The following MUC5AC variants were observed in gnomAD, a reference collection of about 807,000 sequenced individuals.
MUC5AC encodes the protein mucin 5AC, oligomeric mucus/gel-forming, also known as mucin-5AC.
A neutral mutation model predicts 169.7 loss-of-function variants in MUC5AC; 158 were observed. That is an observed-to-expected ratio of 0.93 (90% CI 0.82 to 1.06). The LOEUF (loss-of-function observed/expected upper bound fraction) is 1.06, where lower values mean the gene tolerates loss of function less well. Among genes scored for constraint, MUC5AC ranks in the 50% least tolerant of loss-of-function variants. The pLI, the probability that MUC5AC is intolerant of heterozygous loss-of-function variation, is 0.00. For missense variants in MUC5AC, 4,359 were observed against 3,089.9 expected (o/e 1.41, Z -9.74); for synonymous variants, 1,975 against 1,237.0 (o/e 1.60, Z -12.52).
intron 16 of MUC5AC, among the ~76,000 whole-genome samples, chr11:1,173,633 C>CACTT (rs1396739712): frequency 0.014 from 1,647 of 116,456 alleles, no homozygotes; most frequent in Non-Finnish European, 0.017. Context: ...CTCATCCACT[C>CACTT]ACTCATCCAC....
rs1861077376 is a variant in MUC5AC at position 1,190,963 on chromosome 11, C to T, written c.12818C>T (p.Thr4273Ile). 1 of 741,714 alleles carries T rather than the reference C, an allele frequency of 1.3e-6. No individual in the cohort carries two copies. Among genetic ancestry groups the T allele is most frequent in the Non-Finnish European group, 2.5e-6 (1 of 407,332 alleles). The allele number at this position is 741,714 out of a possible 1,614,324, so 45.9% of individuals were successfully genotyped here. ...TSTTSAATTS[T>I]TSAPTTRTTS... ...ACAACCTCTGCTGCTACAACCAGCA[C>T]AACCTCTGCTCCTACAACCAGAACA... Residue 4273 changes from threonine to isoleucine, a missense_variant, in exon 31 of 49, where the codon ACA becomes ATA. Physicochemically the swap from Thr to Ile is moderately conservative, Grantham distance 89. Transcript: ENST00000621226.
chr11:1,200,422 C>A lies in MUC5AC; in HGVS notation c.16701-16C>A, dbSNP rs750881610. 1.5e-6 allele frequency: 1 copy of A among 677,102 alleles called. No homozygotes were observed. 41.9% of individuals were successfully genotyped at this position (677,102 alleles called of 1,614,324 possible). The stretch of plus-strand genomic sequence containing the variant: ...GGGTGGCGCAGCAGCTGGTGCTGAG[C>A]AGCCCCTGCCCACAGGTACTCGCTC... On this transcript the variant is annotated splice_polypyrimidine_tract_variant and intron_variant, in intron 48 of 48. Transcript: ENST00000621226.
chr11:1,173,016 GC>G (rs1392311162), intron 16 of MUC5AC, among the ~76,000 whole-genome samples: 2 of 95,622 alleles, frequency 2.1e-5, no homozygotes, highest in Non-Finnish European at 2.2e-5. Flanking sequence ...TCACCCATTC[GC>G]CCCCCCACTC....
In MUC5AC at chr11:1,162,513, G is replaced by A; in HGVS notation, c.474-19G>A. ...TCCTCACTGCGCTCCCAGCCCCTCA[G>A]CCCTGCCTTCCTCCACAGGGTCCTG... On this transcript the variant is annotated intron_variant, in intron 4 of 48. Coordinates refer to ENST00000621226, the MANE Select transcript of MUC5AC (RefSeq NM_001304359.2). The A allele has an allele frequency of 6.2e-7, 1 of 1,608,488 alleles. No homozygotes were observed. Among genetic ancestry groups the A allele is most frequent in the Non-Finnish European group, 8.5e-7 (1 of 1,176,600 alleles).
At chr11:1,170,436 T>C (rs1281889840) in intron 15 of MUC5AC, among the ~76,000 whole-genome samples, 542 of 34,952 alleles carry the variant, frequency 0.016, no homozygotes, top group Non-Finnish European at 0.017. Context: ...CATTCACCCA[T>C]TCACCCACTC....
chr11:1,161,463 T>C, intron 2 of MUC5AC, 64 bp from the exon 3 acceptor site: 2 of 1,368,396 alleles, frequency 1.5e-6, no homozygotes. Context: ...ACGTCTCCTC[T>C]GGCTGCGGAG....
In MUC5AC at chr11:1,189,946, G is replaced by A; in HGVS notation, c.11801G>A (p.Ser3934Asn). 2 of 765,126 alleles carry A rather than the reference G, an allele frequency of 2.6e-6. No individual in the cohort carries two copies. The highest frequency in any genetic ancestry group is 2.3e-4 in the Middle Eastern group (1 of 4,440). 47.4% of individuals were successfully genotyped at this position (765,126 alleles called of 1,614,324 possible). A position where few individuals can be genotyped will look rare whatever the true frequency, so the allele number is the denominator to read the frequency against. The change falls in exon 31 of 49, where the codon AGC becomes AAC. Residue 3934 changes from serine (S) to asparagine (N), a missense_variant. Coordinates refer to ENST00000621226, the MANE Select transcript of MUC5AC (RefSeq NM_001304359.2). ...AGCACAGCCTCTGTTTCAAAGACCA[G>A]CACAAGCCATGTTTCTGTATCCAAG... ...TTSTASVSKT[S>N]TSHVSVSKTT...
chr11:1,191,424 C>T lies in MUC5AC; in HGVS notation c.13279C>T (p.Pro4427Ser), dbSNP rs1158446987. Reference protein sequence around the residue: ...TTSAPTTRTTPASTASTTSGP... With the variant: ...TTSAPTTRTTSASTASTTSGP... ...CTCTGCTCCTACAACCAGAACAACC[C>T]CTGCCTCTACAGCCAGCACAACCTC... The change falls in exon 31 of 49, where the codon CCT becomes TCT. Residue 4427 changes from proline (P) to serine (S), a missense_variant. Coordinates refer to ENST00000621226, the MANE Select transcript of MUC5AC (RefSeq NM_001304359.2). The T allele has an allele frequency of 0.14, 76,258 of 543,182 alleles. 7,445 individuals carry two copies. Among genetic ancestry groups the T allele is most frequent in the Non-Finnish European group, 0.19 (54,153 of 291,416 alleles). The allele number at this position is 543,182 out of a possible 1,614,324, so 33.6% of individuals were successfully genotyped here. A position where few individuals can be genotyped will look rare whatever the true frequency, so the allele number is the denominator to read the frequency against.
rs1385779618 is a variant in MUC5AC, at chr11:1,185,260, C to A, written c.7115C>A (p.Thr2372Lys). 2.8e-6 allele frequency: 2 copies of A among 702,074 alleles called. No homozygotes were observed. Among genetic ancestry groups the A allele is most frequent in the East Asian group, 2.7e-5 (1 of 37,002 alleles). The allele number at this position is 702,074 out of a possible 1,614,324, so 43.5% of individuals were successfully genotyped here. The change falls in exon 31 of 49, where the codon ACA (threonine) becomes AAA (lysine). Residue 2372 changes from threonine to lysine, a missense_variant. Coordinates refer to ENST00000621226, the MANE Select transcript of MUC5AC (RefSeq NM_001304359.2). ...TSTTSAPTTS[T>K]TSARTSSTTS... ...ACAACCTCTGCTCCTACAACCAGCA[C>A]AACCTCTGCCCGTACAAGCAGCACA...
At position 1,188,031 on chromosome 11, in the gene MUC5AC, C is replaced by G. The variant is rs1860996339; in HGVS notation, c.9886C>G (p.Leu3296Val). 85 of 757,620 alleles carry G rather than the reference C, an allele frequency of 1.1e-4. 2 individuals are homozygous for G. The highest frequency in any genetic ancestry group is 9.8e-4 in the South Asian group (72 of 73,626). 46.9% of individuals were successfully genotyped at this position (757,620 alleles called of 1,614,324 possible). A position where few individuals can be genotyped will look rare whatever the true frequency, so the allele number is the denominator to read the frequency against. The change falls in exon 31 of 49, where the codon CTG becomes GTG. Residue 3296 changes from leucine (L) to valine (V), a missense_variant. Transcript: ENST00000621226. ...GGTGCAGTGCAGCCGTGAAGAGGGC[C>G]TGGTGTGCCGGAACCAGGACCAGCA... ...QVVQCSREEG[L>V]VCRNQDQQGP...
intron 16 of MUC5AC, among the ~76,000 whole-genome samples, chr11:1,174,112 T>C (rs878987154): frequency 0.17 from 26,233 of 152,292 alleles, 2,468 homozygotes; most frequent in Non-Finnish European, 0.2. Context: ...TTTCTTGCAC[T>C]TCCAGCCCTA....
rs1369972452 is a variant in MUC5AC at position 1,189,631 on chromosome 11, C to T, written c.11486C>T (p.Thr3829Ile). 6.4e-6 allele frequency: 4 copies of T among 623,954 alleles called. No homozygotes were observed. Among genetic ancestry groups the T allele is most frequent in the Non-Finnish European group, 1.1e-5 (4 of 350,936 alleles). The allele number at this position is 623,954 out of a possible 1,614,324, so 38.7% of individuals were successfully genotyped here. ...PQTSTTSSPT[T>I]STTSAPTTST... ...ACCAGCACAACCTCTTCCCCTACAA[C>T]TAGCACAACCTCAGCTCCTACAACC... is the stretch of plus-strand genomic sequence containing the variant. The change falls in exon 31 of 49, where the codon ACT (threonine) becomes ATT (isoleucine). Residue 3829 changes from threonine to isoleucine, a missense_variant. Physicochemically the swap from Thr to Ile is moderately conservative, Grantham distance 89. Coordinates refer to ENST00000621226, the MANE Select transcript of MUC5AC (RefSeq NM_001304359.2).
At chr11:1,197,778 C>T in intron 41 of MUC5AC, 125 bp from the exon 42 acceptor site, 2 of 632,486 alleles carry the variant, frequency 3.2e-6, no homozygotes, top group Non-Finnish European at 5.8e-6. Flanking sequence ...GCTTCCGCAA[C>T]AGCCTCATCT....
intron 18 of MUC5AC, 23 bp from the exon 19 acceptor site, chr11:1,175,195 C>T (rs1860641907): frequency 5.0e-6 from 2 of 398,652 alleles, no homozygotes; most frequent in Non-Finnish European, 8.8e-6. Context: ...CAGGCTGAGG[C>T]TCTGACCACC....
rs185966643 is a variant in MUC5AC, at chr11:1,160,313, C to T, written c.74-299C>T. 3.9e-5 allele frequency among the ~76,000 whole-genome samples: 6 copies of T among 152,144 alleles called. No individual in the cohort carries two copies. The East Asian group carries it at 1.2e-3, about 29-fold the overall frequency. ...GGGGGCCAGGGCCTGGCACGCTTGG[C>T]AGTGAGTGGGAATGAATAGATAGGG... On this transcript the variant is annotated intron_variant, in intron 1 of 48. Transcript: ENST00000621226.
rs557584201 is a variant in MUC5AC, at chr11:1,160,366, C to T, written c.74-246C>T. On this transcript the variant is annotated intron_variant, in intron 1 of 48. Coordinates refer to ENST00000621226, the MANE Select transcript of MUC5AC (RefSeq NM_001304359.2). Reference sequence around the variant, plus strand: ...GCCAGATCGGGGCGAAGGGTCCTGACGCCACCTGCTCCATGGGGCCAGGCT... The same window carrying T: ...GCCAGATCGGGGCGAAGGGTCCTGATGCCACCTGCTCCATGGGGCCAGGCT... 1.1e-4 allele frequency among the ~76,000 whole-genome samples: 17 copies of T among 152,158 alleles called. No homozygotes were observed. In the South Asian group the frequency reaches 2.5e-3, roughly 22 times the overall value.
At position 1,195,214 on chromosome 11, in the gene MUC5AC, G is replaced by GGTC. The variant is rs1554929925; in HGVS notation, c.15395_15397dup (p.Val5132dup). 2 of 760,444 alleles carry GGTC rather than the reference G, an allele frequency of 2.6e-6. No individual in the cohort carries two copies. The highest frequency in any genetic ancestry group is 3.4e-5 in the Admixed American group (2 of 58,480). 47.1% of individuals were successfully genotyped at this position (760,444 alleles called of 1,614,324 possible). A position where few individuals can be genotyped will look rare whatever the true frequency, so the allele number is the denominator to read the frequency against. On this transcript the variant is annotated inframe_insertion, in exon 36 of 49. Transcript: ENST00000621226. ...GGCCCACCACAGTTGGGTCTACCACGGTCGGGCCCACCACACCGCCTGCTC... is the reference window on the plus strand; with the variant it reads ...GGCCCACCACAGTTGGGTCTACCACGGTCGTCGGGCCCACCACACCGCCTGCTC...
In MUC5AC at chr11:1,195,236, G is replaced by A. The variant is rs1861240428; in HGVS notation, c.15415G>A (p.Ala5139Thr). 2 of 760,796 alleles carry A rather than the reference G, an allele frequency of 2.6e-6. No homozygotes were observed. The highest frequency in any genetic ancestry group is 2.4e-5 in the East Asian group (1 of 41,234). 47.1% of individuals were successfully genotyped at this position (760,796 alleles called of 1,614,324 possible). ...CACGGTCGGGCCCACCACACCGCCT[G>A]CTCCGTGCCTGCCATCACCCATCTG... is the stretch of plus-strand genomic sequence containing the variant. ...STTVGPTTPP[A>T]PCLPSPICQL... The change falls in exon 36 of 49, where the codon GCT becomes ACT. Residue 5139 changes from alanine to threonine, a missense_variant. Physicochemically the swap from Ala to Thr is moderately conservative, Grantham distance 58. Transcript: ENST00000621226.
rs899155389 is a variant in MUC5AC, at chr11:1,160,672, T to C, written c.134T>C (p.Ile45Thr). 3.1e-6 allele frequency: 5 copies of C among 1,610,300 alleles called. No homozygotes were observed. The African/African-American group carries it at 6.7e-5, about 22-fold the overall frequency. ...AAGCACCACCCTGCCCTCTCTCCTA[T>C]CGCCCGGGGGCCCAGCGGTGAGTCT... ...SYKHHPALSPIARGPSGVPLR... is the reference protein window; with the variant it reads ...SYKHHPALSPTARGPSGVPLR... Residue 45 changes from isoleucine to threonine, a missense_variant, in exon 2 of 49, where the codon ATC becomes ACC. By Grantham distance (89) the Ile-to-Thr change is moderately conservative. Transcript: ENST00000621226.
Sources: allele counts gnomAD v4.1 joint callset (sites outside exome capture counted in the v4.1 genomes callset), GRCh38; gene constraint gnomAD v4.1.1; transcripts MANE v1.5; gene names NCBI Gene and HGNC (gene_info 2026-07-23, HGNC 2026-07-21).